Variants in LMO3 observed in about 807,000 individuals in gnomAD.
LMO3 encodes the protein LIM domain only protein 3.
A neutral mutation model predicts 15.8 loss-of-function variants in LMO3; 2 were observed. The ratio of observed to expected loss-of-function variants is 0.13; its 90% CI spans 0.05 to 0.40. The LOEUF is 0.40. Among genes scored for constraint, LMO3 ranks in the 10% least tolerant of loss-of-function variants. LMO3 has a pLI of 0.99. For synonymous variants in LMO3, 62 were observed against 63.8 expected, an observed-to-expected ratio of 0.97 and a Z score of 0.13; for missense variants, 86 against 182.2, an observed-to-expected ratio of 0.47 and a Z score of 3.04.
chr12:16,587,705 G>A lies in LMO3; in HGVS notation c.206+12950C>T, dbSNP rs1193648313. Among the ~76,000 whole-genome samples, 2 of 151,836 alleles carry A rather than the reference G, an allele frequency of 1.3e-5. No homozygotes were observed. Among genetic ancestry groups the A allele is most frequent in the Non-Finnish European group, 2.9e-5 (2 of 67,918 alleles). ...ACGACACAAGTATTTTTCACTACAG[G>A]AGACAAACAATGATATGTATTACAT... On this transcript the variant is annotated intron_variant, in intron 2 of 3. Transcript: ENST00000537304. The surrounding 1 kb of genome is among the most constrained non-coding windows in gnomAD (Gnocchi z 4.3).
At chr12:16,607,163 C>A (rs1455506544), upstream of LMO3, 3 of 79,020 alleles carry the variant, frequency 3.8e-5, no homozygotes, top group Middle Eastern at 4.9e-3. Flanking sequence ...ACACACTCTC[C>A]TTCCTCCCTT....
intron 2 of LMO3, among the ~76,000 whole-genome samples, chr12:16,571,851 C>T (rs2137446710): frequency 6.6e-6 from 1 of 152,032 alleles, no homozygotes; most frequent in East Asian, 1.9e-4. Flanking sequence ...GTAACATTGT[C>T]TTAAAACTCA....
At position 16,555,126 on chromosome 12, in the gene LMO3, C is replaced by T. The variant is rs558219900; in HGVS notation, c.333-3799G>A. On this transcript the variant is annotated intron_variant, in intron 3 of 3. Coordinates refer to ENST00000537304, the MANE Select transcript of LMO3 (RefSeq NM_018640.5). This position sits in a 1 kb window ranked among gnomAD's most constrained non-coding sequence, Gnocchi z 5.5. ...ATGAGTACATGTAAAACACTCAGAA[C>T]GGTGTTTGGTGTTTGACTAATACTT... Among the ~76,000 whole-genome samples the T allele has an allele frequency of 6.6e-6, 1 of 152,256 alleles. No individual in the cohort carries two copies. The highest frequency in any genetic ancestry group is 6.5e-5 in the Admixed American group (1 of 15,292).
intron 3 of LMO3, among the ~76,000 whole-genome samples, chr12:16,556,376 C>A (rs1942189797): frequency 6.6e-6 from 1 of 152,124 alleles, no homozygotes; most frequent in South Asian, 2.1e-4. Context: ...ATGCAGGATT[C>A]ACGTTTTAGC....
chr12:16,605,442 C>CG (rs1943961306), intron 1 of LMO3: 1 of 744,428 alleles, frequency 1.3e-6, no homozygotes, highest in Non-Finnish European at 1.6e-6. Flanking sequence ...GCCTGCCCCC[C>CG]CCCCCCGCCC....
rs1214459160 is a variant in LMO3 at position 16,586,325 on chromosome 12, C to G, written c.206+14330G>C. ...ACGATGAAGTCCACATACGGAACAA[C>G]TAAGAAACAACTAAAACACGTGCAT... On this transcript the variant is annotated intron_variant, in intron 2 of 3. Coordinates refer to ENST00000537304, the MANE Select transcript of LMO3 (RefSeq NM_018640.5). This position sits in a 1 kb window ranked among gnomAD's most constrained non-coding sequence, Gnocchi z 4.3. 6.6e-6 allele frequency among the ~76,000 whole-genome samples: 1 copy of G among 152,142 alleles called. No homozygotes were observed. Among genetic ancestry groups the G allele is most frequent in the Admixed American group, 6.6e-5 (1 of 15,248 alleles).
At chr12:16,567,902 A>C (rs1403913102) in intron 2 of LMO3, among the ~76,000 whole-genome samples, 1 of 152,150 alleles carries the variant, frequency 6.6e-6, no homozygotes, top group Non-Finnish European at 1.5e-5. Flanking sequence ...TCCGCCAACC[A>C]CTAGTTGGAC....
upstream of LMO3, chr12:16,607,675 G>A (rs1944043294): frequency 4.6e-5 from 7 of 151,504 alleles, no homozygotes; most frequent in Admixed American, 2.6e-4. Flanking sequence ...ATGTTTAAGA[G>A]CCAAGAAATA....
At chr12:16,592,727 C>G (rs1242113578) in intron 2 of LMO3, among the ~76,000 whole-genome samples, 1 of 151,808 alleles carries the variant, frequency 6.6e-6, no homozygotes, top group Non-Finnish European at 1.5e-5. Context: ...TAAAATGTAA[C>G]AGTCTTGATT....
intron 2 of LMO3, among the ~76,000 whole-genome samples, chr12:16,566,419 C>CA (rs1166795413): frequency 1.3e-5 from 2 of 151,546 alleles, no homozygotes; most frequent in African/African-American, 2.4e-5. Flanking sequence ...TTTCAACACA[C>CA]AAAAAAATGA....
intron 2 of LMO3, among the ~76,000 whole-genome samples, chr12:16,578,643 C>T (rs1013245892): frequency 1.1e-4 from 16 of 152,052 alleles, no homozygotes; most frequent in Non-Finnish European, 2.4e-4. Flanking sequence ...CATGGTGAAG[C>T]CCCATGTCTA....
At chr12:16,566,038 AT>A (rs1942597596) in intron 2 of LMO3, among the ~76,000 whole-genome samples, 6 of 90,508 alleles carry the variant, frequency 6.6e-5, no homozygotes, top group Non-Finnish European at 1.3e-4. Flanking sequence ...ATATATATAT[AT>A]AAAATGGAGT....
chr12:16,566,948 T>C (rs1050328628), intron 2 of LMO3, among the ~76,000 whole-genome samples: 1 of 152,158 alleles, frequency 6.6e-6, no homozygotes, highest in Non-Finnish European at 1.5e-5. Flanking sequence ...TAGTCATATA[T>C]ATATATGTTA....
intron 2 of LMO3, among the ~76,000 whole-genome samples, chr12:16,577,985 C>CAGCA (rs998381221): frequency 4.6e-5 from 7 of 152,122 alleles, no homozygotes; most frequent in African/African-American, 1.4e-4. Flanking sequence ...TTTTGTCTGG[C>CAGCA]AACACTACAA....
intron 2 of LMO3, among the ~76,000 whole-genome samples, chr12:16,592,351 G>A (rs964421711): frequency 6.6e-6 from 1 of 151,916 alleles, no homozygotes; most frequent in Non-Finnish European, 1.5e-5. Flanking sequence ...CTAATAAATG[G>A]TCACAGAAAA....
Position 16,604,563 on chromosome 12 carries a change from T to TAAA in LMO3, c.-9+1500_-9+1502dup, listed in dbSNP as rs199601375. On this transcript the variant is annotated intron_variant, in intron 1 of 3. Coordinates refer to ENST00000537304, the MANE Select transcript of LMO3 (RefSeq NM_018640.5). This position sits in a 1 kb window ranked among gnomAD's most constrained non-coding sequence, Gnocchi z 5.3. ...ATTTTGATGCAGCTCACATGCAAAA[T>TAAA]AAAAAAAAAAAATAAGAAACATACA... is the stretch of plus-strand genomic sequence containing the variant. 36 of 300,528 alleles carry TAAA rather than the reference T, an allele frequency of 1.2e-4. No homozygotes were observed. Among genetic ancestry groups the TAAA allele is most frequent in the Non-Finnish European group, 1.5e-4 (25 of 163,242 alleles). The allele number at this position is 300,528 out of a possible 1,614,324, so 18.6% of individuals were successfully genotyped here. A position where few individuals can be genotyped will look rare whatever the true frequency, so the allele number is the denominator to read the frequency against.
At position 16,603,197 on chromosome 12, in the gene LMO3, A is replaced by G. The variant is rs1339695723; in HGVS notation, c.-8-2329T>C. 6.6e-6 allele frequency among the ~76,000 whole-genome samples: 1 copy of G among 152,240 alleles called. No homozygotes were observed. Among genetic ancestry groups the G allele is most frequent in the Non-Finnish European group, 1.5e-5 (1 of 68,036 alleles). ...CATTTTAATTTAGCACTCAGAGGCC[A>G]ATTAATATTTGAAACTCTTACATTC... On this transcript the variant is annotated intron_variant, in intron 1 of 3. Coordinates refer to ENST00000537304, the MANE Select transcript of LMO3 (RefSeq NM_018640.5). The surrounding 1 kb of genome is among the most constrained non-coding windows in gnomAD (Gnocchi z 4.9).
chr12:16,557,902 CT>C (rs1220035653), intron 3 of LMO3, among the ~76,000 whole-genome samples: 1 of 152,016 alleles, frequency 6.6e-6, no homozygotes, highest in Non-Finnish European at 1.5e-5. Flanking sequence ...ATGTCACATT[CT>C]TTCTACTATT....
chr12:16,554,561 T>C (rs1463894209), intron 3 of LMO3, among the ~76,000 whole-genome samples: 2 of 152,224 alleles, frequency 1.3e-5, no homozygotes, highest in Non-Finnish European at 2.9e-5. Context: ...TACATCTCAC[T>C]GCTAACAACC....
Sources: gnomAD v4.1 joint callset for allele counts (sites outside exome capture counted in the v4.1 genomes callset) on GRCh38, gnomAD v4.1.1 for gene constraint, Gnocchi (gnomAD v3.1) non-coding constraint, MANE v1.5 for transcripts, NCBI Gene and HGNC (gene_info 2026-07-23, HGNC 2026-07-21) for gene names.